ADAMTSL1: variants seen among roughly 807,000 people sequenced by gnomAD.
The protein encoded by ADAMTSL1 is ADAMTS-like protein 1.
In ADAMTSL1, 126 loss-of-function variants were observed where a neutral mutation model predicts 201.8. The observed-to-expected ratio is 0.62, with a 90% confidence interval of 0.54 to 0.72. The LOEUF (loss-of-function observed/expected upper bound fraction) is 0.72. Among genes scored for constraint, ADAMTSL1 ranks in the 30% least tolerant of loss-of-function variants. The probability of loss-of-function intolerance (pLI) is 0.00; values close to 1 mark genes in which losing one functional copy is unlikely to be tolerated. For missense variants in ADAMTSL1, 2,679 were observed against 2,277.8 expected (o/e 1.18, Z -3.59); for synonymous variants, 1,121 against 903.4 (o/e 1.24, Z -4.32).
At chr9:18,157,636 C>G (rs1827213976) in intron 1 of ADAMTSL1, among the ~76,000 whole-genome samples, 1 of 152,000 alleles carries the variant, frequency 6.6e-6, no homozygotes, top group Non-Finnish European at 1.5e-5. Flanking sequence ...CAGCTCTAAC[C>G]TCTTAGCAAT....
intron 15 of ADAMTSL1, among the ~76,000 whole-genome samples, chr9:18,726,911 G>A (rs1014136458): frequency 1.3e-5 from 2 of 152,152 alleles, no homozygotes; most frequent in Non-Finnish European, 2.9e-5. Flanking sequence ...CCCAGCCCCA[G>A]TCTCTTTTCT....
intron 23 of ADAMTSL1, among the ~76,000 whole-genome samples, chr9:18,861,202 A>T (rs1241275438): frequency 6.6e-6 from 1 of 152,198 alleles, no homozygotes; most frequent in African/African-American, 2.4e-5. Flanking sequence ...CTTTTGATAC[A>T]CATTTCCCAT....
At chr9:18,391,852 C>G (rs57653552) in intron 2 of ADAMTSL1, among the ~76,000 whole-genome samples, 9,334 of 120,038 alleles carry the variant, frequency 0.078, 448 homozygotes, top group African/African-American at 0.15. Flanking sequence ...TGAGATGGAG[C>G]CTCGCTCTGC....
At chr9:18,307,709 C>G (rs1449472310) in intron 2 of ADAMTSL1, among the ~76,000 whole-genome samples, 1 of 152,058 alleles carries the variant, frequency 6.6e-6, no homozygotes, top group Non-Finnish European at 1.5e-5. Flanking sequence ...TTCTTAGAGA[C>G]AGACAAAGAG....
intron 20 of ADAMTSL1, among the ~76,000 whole-genome samples, chr9:18,816,055 C>A (rs1343940839): frequency 6.6e-6 from 1 of 152,114 alleles, no homozygotes; most frequent in Admixed American, 6.5e-5. Flanking sequence ...CATAGTCACC[C>A]TACTGTGCAA....
intron 4 of ADAMTSL1, among the ~76,000 whole-genome samples, chr9:18,595,284 G>C (rs1049524803): frequency 3.9e-5 from 6 of 152,084 alleles, no homozygotes; most frequent in African/African-American, 1.2e-4. Flanking sequence ...GAGCATTTGG[G>C]GATCTTCTGT....
chr9:18,188,585 G>T (rs977169144), intron 2 of ADAMTSL1, among the ~76,000 whole-genome samples: 2 of 152,198 alleles, frequency 1.3e-5, no homozygotes, highest in Non-Finnish European at 1.5e-5. Flanking sequence ...ATATTTTTAA[G>T]GGAAAATAGT....
intron 2 of ADAMTSL1, among the ~76,000 whole-genome samples, chr9:18,533,029 T>C (rs1235350621): frequency 2.0e-5 from 3 of 152,046 alleles, no homozygotes; most frequent in Non-Finnish European, 4.4e-5. Flanking sequence ...TGAAACAAGA[T>C]AAATACTTAG....
intron 20 of ADAMTSL1, among the ~76,000 whole-genome samples, chr9:18,806,124 A>G (rs1406150010): frequency 1.3e-5 from 2 of 152,238 alleles, no homozygotes; most frequent in Non-Finnish European, 2.9e-5. Context: ...CATTGGATCC[A>G]TCCATTCAGG....
At chr9:18,554,717 T>A (rs901389077) in intron 3 of ADAMTSL1, among the ~76,000 whole-genome samples, 1 of 151,586 alleles carries the variant, frequency 6.6e-6, no homozygotes, top group African/African-American at 2.4e-5. Flanking sequence ...TCATTTTATT[T>A]TTTTTTTTAG....
intron 2 of ADAMTSL1, among the ~76,000 whole-genome samples, chr9:18,268,338 C>T (rs552819765): frequency 6.6e-6 from 1 of 152,242 alleles, no homozygotes; most frequent in African/African-American, 2.4e-5. Context: ...GGTTTTCCCC[C>T]CTTCTTGTTA....
chr9:18,566,039 G>A, intron 3 of ADAMTSL1, among the ~76,000 whole-genome samples: 1 of 152,122 alleles, frequency 6.6e-6, no homozygotes, highest in East Asian at 1.9e-4. Context: ...TGTTTACATG[G>A]AGAAGGAAAT....
chr9:18,135,113 A>G (rs1365762623), intron 1 of ADAMTSL1, among the ~76,000 whole-genome samples: 1 of 152,122 alleles, frequency 6.6e-6, no homozygotes, highest in African/African-American at 2.4e-5. Flanking sequence ...TCTGACTGAG[A>G]TATTTCAGTA....
At chr9:18,793,864 C>T (rs937935800) in intron 19 of ADAMTSL1, among the ~76,000 whole-genome samples, 2 of 152,134 alleles carry the variant, frequency 1.3e-5, no homozygotes, top group African/African-American at 4.8e-5. Context: ...GTCACCAAGA[C>T]ATCAGGTTCA....
rs991238762 is a variant in ADAMTSL1, at chr9:18,005,067, A to T, written c.87+98145A>T. On this transcript the variant is annotated intron_variant, in intron 1 of 29. Transcript: ENST00000680146. Reference sequence around the variant, plus strand: ...ATGAGTAAGTAGGTGGTGACAGTGAAGTTTGATCCGTGCTCTGACGGTAGC... The same window carrying T: ...ATGAGTAAGTAGGTGGTGACAGTGATGTTTGATCCGTGCTCTGACGGTAGC... Among the ~76,000 whole-genome samples the T allele has an allele frequency of 3.3e-5, 5 of 152,102 alleles. 1 individual carries two copies. In the East Asian group the frequency reaches 9.7e-4, roughly 29 times the overall value.
chr9:18,409,742 G>GTATA (rs915281664), intron 2 of ADAMTSL1, among the ~76,000 whole-genome samples: 2 of 149,936 alleles, frequency 1.3e-5, no homozygotes, highest in Non-Finnish European at 3.0e-5. Flanking sequence ...TAAGTATCAT[G>GTATA]TATATATACA....
At chr9:18,868,684 A>G (rs574700759) in intron 23 of ADAMTSL1, among the ~76,000 whole-genome samples, 1 of 152,198 alleles carries the variant, frequency 6.6e-6, no homozygotes, top group Non-Finnish European at 1.5e-5. Context: ...GCAGATTTTA[A>G]CCTGATGCAC....
chr9:17,940,472 G>A (rs1020571172), intron 1 of ADAMTSL1, among the ~76,000 whole-genome samples: 2 of 152,000 alleles, frequency 1.3e-5, no homozygotes, highest in African/African-American at 2.4e-5. Context: ...ATGAATGGCA[G>A]TACAATGTAC....
chr9:18,396,626 T>C (rs867980468), intron 2 of ADAMTSL1, among the ~76,000 whole-genome samples: 2 of 150,696 alleles, frequency 1.3e-5, no homozygotes, highest in African/African-American at 4.8e-5. Flanking sequence ...TATTTTTATG[T>C]TAATAATGTC....
Sources: gnomAD v4.1 joint callset for allele counts (sites outside exome capture counted in the v4.1 genomes callset) on GRCh38, gnomAD v4.1.1 for gene constraint, MANE v1.5 for transcripts, NCBI Gene and HGNC (gene_info 2026-07-23, HGNC 2026-07-21) for gene names.